LOC728392: variants seen among roughly 807,000 people sequenced by gnomAD.
the LOC728392 span, chr17:5,499,472 A>G: frequency 6.6e-6 from 1 of 152,268 alleles, no homozygotes; most frequent in Non-Finnish European, 1.5e-5. Flanking sequence ...AGGCATCACA[A>G]TTACAGATTA....
At chr17:5,500,967 G>T in the LOC728392 span, 2 of 1,240,908 alleles carry the variant, frequency 1.6e-6, no homozygotes. This position sits in a 1 kb window ranked among gnomAD's most constrained non-coding sequence, Gnocchi z 5.4. Flanking sequence ...GGGCAGGATC[G>T]CGGGTAGGTG....
At chr17:5,500,078 C>G in the LOC728392 span, 1 of 986,224 alleles carries the variant, frequency 1.0e-6, no homozygotes, top group Non-Finnish European at 1.2e-6. The surrounding 1 kb of genome is among the most constrained non-coding windows in gnomAD (Gnocchi z 5.4). Context: ...TGTCCTCTCT[C>G]GGCCGCGCCA....
At chr17:5,499,595 G>A in the LOC728392 span, 1 of 186,726 alleles carries the variant, frequency 5.4e-6, no homozygotes, top group Non-Finnish European at 9.4e-6. Flanking sequence ...GGTGGTTCCT[G>A]GTATTAAGCC....
chr17:5,499,531 A>G, the LOC728392 span: 1 of 153,558 alleles, frequency 6.5e-6, no homozygotes, highest in East Asian at 1.9e-4. Context: ...CTGCGTTTTA[A>G]CATTTAACAT....
the LOC728392 span, chr17:5,500,474 G>T: frequency 8.7e-7 from 1 of 1,151,216 alleles, no homozygotes; most frequent in Admixed American, 5.5e-5. The surrounding 1 kb of genome is among the most constrained non-coding windows in gnomAD (Gnocchi z 5.4). Flanking sequence ...AAGACGGAAA[G>T]AAACAAGCAT....
chr17:5,500,155 C>G, the LOC728392 span: 6 of 986,940 alleles, frequency 6.1e-6, no homozygotes, highest in Non-Finnish European at 7.2e-6. This position sits in a 1 kb window ranked among gnomAD's most constrained non-coding sequence, Gnocchi z 5.4. Flanking sequence ...CCACCCCGGG[C>G]CAGGGCGCCG....
the LOC728392 span, chr17:5,500,366 C>G: frequency 9.5e-7 from 1 of 1,050,024 alleles, no homozygotes; most frequent in Non-Finnish European, 1.2e-6. This position sits in a 1 kb window ranked among gnomAD's most constrained non-coding sequence, Gnocchi z 5.4. Context: ...AAATTCTAAA[C>G]GCCTCCACCC....
the LOC728392 span, chr17:5,499,984 C>T: frequency 1.4e-5 from 14 of 985,968 alleles, no homozygotes; most frequent in African/African-American, 2.1e-4. Context: ...CGTGGTCAGC[C>T]GGAGCCCCTG....
At chr17:5,500,098 C>A in the LOC728392 span, 39 of 986,200 alleles carry the variant, frequency 4.0e-5, no homozygotes, top group Non-Finnish European at 4.6e-5. The surrounding 1 kb of genome is among the most constrained non-coding windows in gnomAD (Gnocchi z 5.4). Context: ...AACTCTGGGG[C>A]ACAGCTGGCT....
the LOC728392 span, chr17:5,500,415 C>T: frequency 9.1e-7 from 1 of 1,104,970 alleles, no homozygotes; most frequent in Non-Finnish European, 1.1e-6. This position sits in a 1 kb window ranked among gnomAD's most constrained non-coding sequence, Gnocchi z 5.4. Flanking sequence ...ATTTCATTGC[C>T]GGCAGCTACT....
chr17:5,500,262 A>G, the LOC728392 span: 41 of 997,902 alleles, frequency 4.1e-5, no homozygotes, highest in African/African-American at 7.0e-4. The surrounding 1 kb of genome is among the most constrained non-coding windows in gnomAD (Gnocchi z 5.4). Context: ...CTCCCCAAAC[A>G]CAAAATGATG....
chr17:5,499,992 C>T, the LOC728392 span: 6 of 986,100 alleles, frequency 6.1e-6, no homozygotes, highest in Non-Finnish European at 7.2e-6. Context: ...GCCGGAGCCC[C>T]TGGGGGCGCA....
At chr17:5,500,206 G>T in the LOC728392 span, 13 of 989,306 alleles carry the variant, frequency 1.3e-5, no homozygotes, top group Non-Finnish European at 1.6e-5. This position sits in a 1 kb window ranked among gnomAD's most constrained non-coding sequence, Gnocchi z 5.4. Flanking sequence ...CGCGGGTCTG[G>T]GTCTGGCTCA....
chr17:5,499,797 T>G, the LOC728392 span: 2 of 985,846 alleles, frequency 2.0e-6, no homozygotes, highest in South Asian at 9.4e-5. Context: ...CCCCAGAGTC[T>G]CATCCTCAGG....
At chr17:5,500,414 C>T in the LOC728392 span, 1 of 1,103,844 alleles carries the variant, frequency 9.1e-7, no homozygotes, top group Non-Finnish European at 1.1e-6. The surrounding 1 kb of genome is among the most constrained non-coding windows in gnomAD (Gnocchi z 5.4). Flanking sequence ...TATTTCATTG[C>T]CGGCAGCTAC....
At chr17:5,499,741 T>A in the LOC728392 span, 1 of 983,360 alleles carries the variant, frequency 1.0e-6, no homozygotes, top group South Asian at 4.7e-5. Context: ...AACGAAGCCA[T>A]CCTAGAGTCC....
At chr17:5,500,756 C>T in the LOC728392 span, 64 of 1,224,400 alleles carry the variant, frequency 5.2e-5, no homozygotes, top group African/African-American at 9.0e-4. This position sits in a 1 kb window ranked among gnomAD's most constrained non-coding sequence, Gnocchi z 5.4. Context: ...ATGCGGCCTT[C>T]GGGGGCTGCC....
chr17:5,500,678 G>A, the LOC728392 span: 1 of 1,272,018 alleles, frequency 7.9e-7, no homozygotes, highest in Non-Finnish European at 1.0e-6. This position sits in a 1 kb window ranked among gnomAD's most constrained non-coding sequence, Gnocchi z 5.4. Context: ...AGATGGAGAG[G>A]TGCGGAAAAT....
At chr17:5,499,801 C>T in the LOC728392 span, 1 of 986,076 alleles carries the variant, frequency 1.0e-6, no homozygotes, top group Non-Finnish European at 1.2e-6. Flanking sequence ...AGAGTCTCAT[C>T]CTCAGGAGTG....
Sources: allele counts gnomAD v4.1 joint callset, GRCh38; gene constraint gnomAD v4.1.1; non-coding constraint Gnocchi (gnomAD v3.1); transcripts MANE v1.5.